Variants in ABCC8 observed in about 807,000 individuals in gnomAD.
ABCC8 encodes ATP-binding cassette sub-family C member 8.
Under a neutral mutation model 188.0 loss-of-function variants are expected in ABCC8, and 137 were observed. The ratio of observed to expected loss-of-function variants is 0.73; its 90% CI spans 0.63 to 0.84. The LOEUF (loss-of-function observed/expected upper bound fraction) is 0.84. Among genes scored for constraint, ABCC8 ranks in the 40% least tolerant of loss-of-function variants. ABCC8 has a pLI of 0.00. For missense variants in ABCC8, 1,750 were observed against 2,072.7 expected (o/e 0.84, Z 3.02); for synonymous variants, 797 against 846.5 (o/e 0.94, Z 1.01).
intron 10 of ABCC8, among the ~76,000 whole-genome samples, chr11:17,434,678 T>G (rs959003143): frequency 3.9e-5 from 6 of 152,202 alleles, no homozygotes; most frequent in Non-Finnish European, 7.3e-5. Flanking sequence ...CATGGTTTTT[T>G]TAATTTAATT....
At position 17,393,724 on chromosome 11, in the gene ABCC8, G is replaced by A. The variant is rs773042150; in HGVS notation, c.4581C>T (p.Phe1527=). 2.9e-5 allele frequency: 47 copies of A among 1,614,102 alleles called. No individual in the cohort carries two copies. The highest frequency in any genetic ancestry group is 1.6e-4 in the East Asian group (7 of 44,896). Residue 1527 remains phenylalanine (F), a synonymous_variant, in exon 38 of 39, where the codon TTC becomes TTT. Transcript: ENST00000389817. ...CGATGGTGACCACAGTGCGGTCTGC[G>A]AAGGCTGTCATCACCACCTTTTGGA... The part of the protein sequence containing the change: ...NILQKVVMTA[F]ADRTVVTIAH...
intron 29 of ABCC8, among the ~76,000 whole-genome samples, chr11:17,402,088 C>G (rs55706038): frequency 1.3e-5 from 2 of 152,128 alleles, no homozygotes; most frequent in African/African-American, 4.8e-5. Flanking sequence ...CTTTTTAGTG[C>G]CTGGCATGGG....
At chr11:17,405,407 C>T (rs1459318261) in intron 27 of ABCC8, 87 bp downstream of exon 27, 4 of 1,592,660 alleles carry the variant, frequency 2.5e-6, no homozygotes, top group Non-Finnish European at 3.4e-6. Flanking sequence ...ATCACCTGAT[C>T]TGGGGAACCC....
intron 12 of ABCC8, chr11:17,428,979 G>C (rs1187088547): frequency 2.1e-6 from 1 of 477,906 alleles, no homozygotes; most frequent in Non-Finnish European, 3.8e-6. Flanking sequence ...TGTTGGATTG[G>C]TCAGGGTTAA....
At chr11:17,403,125 C>T (rs1954331536) in intron 28 of ABCC8, among the ~76,000 whole-genome samples, 1 of 152,182 alleles carries the variant, frequency 6.6e-6, no homozygotes, top group Admixed American at 6.5e-5. Context: ...CTTGAGACAG[C>T]TGGCCAAAGG....
intron 2 of ABCC8, among the ~76,000 whole-genome samples, chr11:17,470,533 C>T (rs193292845): frequency 3.3e-4 from 50 of 152,268 alleles, no homozygotes; most frequent in East Asian, 1.2e-3. Flanking sequence ...CCATTTAACA[C>T]GAACAGCATA....
chr11:17,414,520 G>C lies in ABCC8; in HGVS notation c.2382C>G (p.Asn794Lys), dbSNP rs760745030. ...EENIIFESPFNKQRYKMVIEA... is the reference protein window; with the variant it reads ...EENIIFESPFKKQRYKMVIEA... ...CTCCGACAGGCTTTTACCGTTGTTT[G>C]TTGAAGGGACTCTCAAAGATGATGT... The change falls in exon 19 of 39, where the codon AAC (asparagine) becomes AAG (lysine). Residue 794 changes from asparagine (N) to lysine (K), a missense_variant. Physicochemically the swap from Asn to Lys is moderately conservative, Grantham distance 94. Transcript: ENST00000389817. 8.1e-6 allele frequency: 13 copies of C among 1,614,216 alleles called. No homozygotes were observed. In the South Asian group the frequency reaches 1.3e-4, roughly 16 times the overall value.
chr11:17,472,425 G>T (rs1255715975), intron 2 of ABCC8, among the ~76,000 whole-genome samples: 1 of 152,204 alleles, frequency 6.6e-6, no homozygotes, highest in African/African-American at 2.4e-5. Flanking sequence ...AAGCCCTACA[G>T]GTTTAAGATG....
rs1265246338 is a variant in ABCC8 at position 17,392,977 on chromosome 11, T to C, written c.*14A>G. On this transcript the variant is annotated 3_prime_UTR_variant, in exon 39 of 39. Transcript: ENST00000389817. ...CAGGGTCCGAATGTGGGATGGCACT[T>C]GGGCTCTGGCAGGTCACTTGTCTGC... is the stretch of plus-strand genomic sequence containing the variant. The C allele has an allele frequency of 1.9e-5, 30 of 1,613,834 alleles. No homozygotes were observed. Among genetic ancestry groups the C allele is most frequent in the Non-Finnish European group, 2.5e-5 (30 of 1,180,006 alleles).
chr11:17,436,323 ACAATAGT>A (rs1383866739), intron 10 of ABCC8: 1 of 357,732 alleles, frequency 2.8e-6, no homozygotes, highest in Admixed American at 3.9e-5. Context: ...CTCTCTGGGC[ACAATAGT>A]CAGTCCTGTG....
At chr11:17,428,911 G>A (rs1490412590) in intron 12 of ABCC8, 2 of 643,622 alleles carry the variant, frequency 3.1e-6, no homozygotes, top group Non-Finnish European at 5.2e-6. Flanking sequence ...AGATTGGTTA[G>A]TTTTAGGGTT....
At chr11:17,418,481 G>A (rs1433350497) in intron 16 of ABCC8, among the ~76,000 whole-genome samples, 1 of 152,114 alleles carries the variant, frequency 6.6e-6, no homozygotes, top group Non-Finnish European at 1.5e-5. Context: ...CTAACCATCA[G>A]ATGGCTGTAA....
chr11:17,450,969 G>T (rs995090582), intron 7 of ABCC8, among the ~76,000 whole-genome samples: 1 of 152,130 alleles, frequency 6.6e-6, no homozygotes, highest in African/African-American at 2.4e-5. Context: ...TTACAGTCAT[G>T]AGCCATTGCG....
chr11:17,428,220 G>T (rs1383451261), intron 14 of ABCC8, 69 bp downstream of exon 14: 1 of 1,606,738 alleles, frequency 6.2e-7, no homozygotes, highest in Non-Finnish European at 8.5e-7. Flanking sequence ...CAGCTTTCTG[G>T]CTTTCCAGGT....
chr11:17,415,499 G>A (rs1037150103), intron 17 of ABCC8, 160 bp from the exon 18 acceptor site: 8 of 963,794 alleles, frequency 8.3e-6, no homozygotes, highest in African/African-American at 3.5e-5. Flanking sequence ...TGGAGAGTGG[G>A]GTGTGCCCAT....
intron 10 of ABCC8, among the ~76,000 whole-genome samples, chr11:17,433,812 ATT>A (rs1448373395): frequency 6.6e-6 from 1 of 152,136 alleles, no homozygotes. Context: ...CAGATGGCGA[ATT>A]TCTCTGCCCG....
chr11:17,460,264 C>T (rs551600883), intron 6 of ABCC8, among the ~76,000 whole-genome samples: 27 of 152,340 alleles, frequency 1.8e-4, no homozygotes, highest in African/African-American at 5.8e-4. Flanking sequence ...ATGGTAGTGA[C>T]GGTGAGAGGA....
intron 10 of ABCC8, among the ~76,000 whole-genome samples, chr11:17,436,950 G>A (rs763981366): frequency 7.2e-5 from 11 of 151,974 alleles, no homozygotes; most frequent in Non-Finnish European, 1.2e-4. Flanking sequence ...TATTAGCCAG[G>A]CGTGGTGGCG....
At chr11:17,435,727 C>T in intron 10 of ABCC8, 1 of 1,370,426 alleles carries the variant, frequency 7.3e-7, no homozygotes, top group South Asian at 1.2e-5. Flanking sequence ...GACAACCACT[C>T]CAGATTGGTA....
Sources: gnomAD v4.1 joint callset for allele counts (sites outside exome capture counted in the v4.1 genomes callset) on GRCh38, gnomAD v4.1.1 for gene constraint, MANE v1.5 for transcripts, NCBI Gene and HGNC (gene_info 2026-07-23, HGNC 2026-07-21) for gene names.